NPC1: variants seen among roughly 807,000 people sequenced by gnomAD.
NPC1 encodes Niemann-Pick C1 protein.
NPC1 carries 85 observed loss-of-function variants against 140.4 expected under a neutral mutation model. The ratio of observed to expected loss-of-function variants is 0.61; its 90% CI spans 0.51 to 0.72. The LOEUF (loss-of-function observed/expected upper bound fraction) is 0.72. Ranked by LOEUF, NPC1 falls within the 30% of genes least tolerant of loss-of-function variation. NPC1 has a pLI of 0.00. For missense variants in NPC1, 1,504 were observed against 1,623.8 expected (o/e 0.93, Z 1.27); for synonymous variants, 656 against 624.8 (o/e 1.05, Z -0.74).
intron 14 of NPC1, 145 bp from the exon 15 acceptor site, chr18:23,541,578 A>G: frequency 9.4e-7 from 1 of 1,062,278 alleles, no homozygotes; most frequent in Non-Finnish European, 1.4e-6. Flanking sequence ...ACATTACACC[A>G]GAAGTGGGAC....
chr18:23,534,820 A>C (rs959162834), intron 22 of NPC1, among the ~76,000 whole-genome samples: 20 of 152,208 alleles, frequency 1.3e-4, no homozygotes, highest in African/African-American at 4.8e-4. Context: ...GAACCCGTTA[A>C]GGTCACCCCA....
At chr18:23,533,077 C>T (rs2058563789) in intron 24 of NPC1, 1 of 676,636 alleles carries the variant, frequency 1.5e-6, no homozygotes, top group South Asian at 2.0e-5. Context: ...CCTGCTGACA[C>T]TCAGATCCAT....
chr18:23,506,598 T>C (rs1222651323), exon 4 of NPC1: 2 of 225,064 alleles, frequency 8.9e-6, no homozygotes, highest in Non-Finnish European at 1.8e-5. Flanking sequence ...GCATAATGAA[T>C]GTGCTGTGAG....
intron 3 of NPC1, chr18:23,509,205 A>G: frequency 7.1e-7 from 1 of 1,403,566 alleles, no homozygotes; most frequent in Non-Finnish European, 9.3e-7. Context: ...TAAGAATGCC[A>G]ACATTCTAGG....
intron 1 of NPC1, among the ~76,000 whole-genome samples, chr18:23,581,536 T>C (rs2059355508): frequency 6.6e-6 from 1 of 152,078 alleles, no homozygotes; most frequent in African/African-American, 2.4e-5. Context: ...GCATTACACC[T>C]ACCTTAAAGG....
intron 3 of NPC1, chr18:23,515,737 T>A (rs2057984861): frequency 8.7e-7 from 1 of 1,149,282 alleles, no homozygotes; most frequent in Non-Finnish European, 1.2e-6. Flanking sequence ...TTTACCATTT[T>A]GTCCAGGCTG....
intron 16 of NPC1, 47 bp from the exon 17 acceptor site, chr18:23,540,584 G>A: frequency 7.6e-7 from 1 of 1,307,598 alleles, no homozygotes; most frequent in Non-Finnish European, 1.1e-6. Context: ...TAGTAAATAA[G>A]CTTACGACCA....
At chr18:23,510,681 C>T (rs1042969473) in intron 3 of NPC1, among the ~76,000 whole-genome samples, 3 of 151,986 alleles carry the variant, frequency 2.0e-5, no homozygotes, top group Non-Finnish European at 4.4e-5. Flanking sequence ...CATGAGCAGA[C>T]ACTTTTTAAA....
At chr18:23,534,619 C>T (rs2058598391) in intron 22 of NPC1, 60 bp from the exon 23 acceptor site, 6 of 1,374,508 alleles carry the variant, frequency 4.4e-6, no homozygotes, top group Non-Finnish European at 6.1e-6. Flanking sequence ...TAGGCAGCCA[C>T]CCCGTTCTGA....
rs546511403 is a variant in NPC1, at chr18:23,556,776, C to T, written c.956-163G>A. Reference sequence around the variant, plus strand: ...CAGCTACCTATCTGCTCAGCAAAGCCACCTTTGTTGGCTGCCCTCAATGAG... The same window carrying T: ...CAGCTACCTATCTGCTCAGCAAAGCTACCTTTGTTGGCTGCCCTCAATGAG... On this transcript the variant is annotated intron_variant, in intron 7 of 24. Transcript: ENST00000269228. 43 of 1,130,360 alleles carry T rather than the reference C, an allele frequency of 3.8e-5. No homozygotes were observed. In the African/African-American group the frequency reaches 6.0e-4, roughly 16 times the overall value. The allele number at this position is 1,130,360 out of a possible 1,614,324, so 70.0% of individuals were successfully genotyped here.
At chr18:23,558,347 G>A (rs756561673) in intron 6 of NPC1, among the ~76,000 whole-genome samples, 3 of 152,164 alleles carry the variant, frequency 2.0e-5, no homozygotes, top group Admixed American at 1.3e-4. Flanking sequence ...CCAGGAAAGA[G>A]ACGCATCAAC....
chr18:23,528,599 C>T (rs2058378325), downstream of NPC1: 1 of 153,366 alleles, frequency 6.5e-6, no homozygotes, highest in Admixed American at 6.5e-5. Context: ...TGAAGAGGGC[C>T]AGTTGCTGGG....
At chr18:23,514,344 G>A (rs2057942647) in intron 3 of NPC1, among the ~76,000 whole-genome samples, 1 of 152,148 alleles carries the variant, frequency 6.6e-6, no homozygotes, top group African/African-American at 2.4e-5. Context: ...GCGAAACCCC[G>A]TCTCTATTAA....
At chr18:23,518,300 G>A (rs182671514), downstream of NPC1, among the ~76,000 whole-genome samples, 4 of 152,266 alleles carry the variant, frequency 2.6e-5, no homozygotes, top group African/African-American at 7.2e-5. Context: ...AGACCAGCCC[G>A]GGCAACATAG....
intron 23 of NPC1, 173 bp downstream of exon 23, chr18:23,534,273 A>G (rs968975887): frequency 1.3e-5 from 9 of 681,334 alleles, no homozygotes; most frequent in Non-Finnish European, 2.4e-5. Context: ...CAACAGGTAC[A>G]GTTCCACAGA....
chr18:23,563,361 T>C (rs963370695), intron 4 of NPC1, among the ~76,000 whole-genome samples: 1 of 152,260 alleles, frequency 6.6e-6, no homozygotes, highest in African/African-American at 2.4e-5. Flanking sequence ...TGTTGACCTA[T>C]ACTTTCGTCT....
chr18:23,523,296 C>T (rs924262638), intron 1 of NPC1, among the ~76,000 whole-genome samples: 1 of 152,024 alleles, frequency 6.6e-6, no homozygotes, highest in Non-Finnish European at 1.5e-5. Context: ...CTGCATGGCT[C>T]ATGAGCAGTA....
chr18:23,516,725 TTC>T lies in NPC1; in HGVS notation c.432-10085_432-10084del, dbSNP rs200186840. ...AGTATCTTTGTTTTAGAATTTCTTC[TTC>T]TTTTTTTTTTTTTTTCGAGACAGAG... On this transcript the variant is annotated intron_variant, in intron 3 of 3. Coordinates refer to the NPC1 transcript ENST00000591107. 3.7e-3 allele frequency among the ~76,000 whole-genome samples: 513 copies of T among 139,768 alleles called. 6 individuals are homozygous for T. Among genetic ancestry groups the T allele is most frequent in the Non-Finnish European group, 5.1e-3 (329 of 64,076 alleles). The allele number at this position is 139,768 out of a possible 152,430, so 91.7% of individuals were successfully genotyped here.
intron 9 of NPC1, among the ~76,000 whole-genome samples, chr18:23,554,030 T>G (rs1189908070): frequency 6.6e-6 from 1 of 152,142 alleles, no homozygotes; most frequent in Non-Finnish European, 1.5e-5. Flanking sequence ...TGACACTGTG[T>G]TAGCGACCCA....
Sources: allele counts gnomAD v4.1 joint callset (sites outside exome capture counted in the v4.1 genomes callset), GRCh38; gene constraint gnomAD v4.1.1; transcripts MANE v1.5; gene names NCBI Gene and HGNC (gene_info 2026-07-23, HGNC 2026-07-21).